VIPR2: variants seen among roughly 807,000 people sequenced by gnomAD.
VIPR2 encodes the protein vasoactive intestinal peptide receptor 2.
VIPR2 carries 48 observed loss-of-function variants against 58.0 expected under a neutral mutation model. The ratio of observed to expected loss-of-function variants is 0.83; its 90% CI spans 0.66 to 1.05. VIPR2 has a LOEUF of 1.05. Among genes scored for constraint, VIPR2 ranks in the 50% least tolerant of loss-of-function variants. The pLI, the probability that VIPR2 is intolerant of heterozygous loss-of-function variation, is 0.00. For synonymous variants in VIPR2, 243 were observed against 235.2 expected (o/e 1.03, Z -0.30); for missense variants, 534 against 558.0 (o/e 0.96, Z 0.43).
intron 2 of VIPR2, among the ~76,000 whole-genome samples, chr7:159,134,759 G>A (rs965238543): frequency 1.3e-5 from 2 of 151,650 alleles, no homozygotes; most frequent in Non-Finnish European, 2.9e-5. Context: ...CTGGGTTCAC[G>A]CCATTCTCCC....
At chr7:159,117,942 A>T (rs575856975) in intron 2 of VIPR2, among the ~76,000 whole-genome samples, 1 of 152,322 alleles carries the variant, frequency 6.6e-6, no homozygotes, top group South Asian at 2.1e-4. Flanking sequence ...TTAGAAGCAA[A>T]TATTTCCAAT....
intron 1 of VIPR2, chr7:159,144,280 C>G (rs1340901761): frequency 7.4e-7 from 1 of 1,360,182 alleles, no homozygotes; most frequent in Non-Finnish European, 9.5e-7. Flanking sequence ...GCCACGTCCC[C>G]CCGACACTAA....
chr7:159,113,252 T>G (rs913082651), intron 2 of VIPR2, among the ~76,000 whole-genome samples: 4 of 152,328 alleles, frequency 2.6e-5, no homozygotes, highest in African/African-American at 7.2e-5. Flanking sequence ...ATCTATAGAT[T>G]GCAGACATTG....
At chr7:159,036,567 G>A (rs1156344575) in intron 7 of VIPR2, among the ~76,000 whole-genome samples, 185 bp downstream of exon 7, 1 of 152,170 alleles carries the variant, frequency 6.6e-6, no homozygotes, top group Non-Finnish European at 1.5e-5. Context: ...CTAGGTTCCT[G>A]GTTACCAGAA....
At chr7:159,034,154 G>A in intron 10 of VIPR2, 59 bp downstream of exon 10, 2 of 1,556,670 alleles carry the variant, frequency 1.3e-6, no homozygotes, top group Non-Finnish European at 8.8e-7. Context: ...CAGCGTGGGG[G>A]TCTCCTGTCT....
chr7:159,041,782 C>T (rs1257967794), intron 6 of VIPR2, among the ~76,000 whole-genome samples: 1 of 151,952 alleles, frequency 6.6e-6, no homozygotes, highest in Non-Finnish European at 1.5e-5. Context: ...AAGTGTCTGT[C>T]AAGGGTGACT....
At position 159,058,578 on chromosome 7, in the gene VIPR2, T is replaced by C; in HGVS notation, c.358A>G (p.Ile120Val). The change falls in exon 5 of 13, where the codon ATC (isoleucine) becomes GTC (valine). Residue 120 changes from isoleucine to valine, a missense_variant and splice_region_variant. Ile to Val is a conservative substitution (Grantham distance 29, BLOSUM62 3). Coordinates refer to ENST00000262178, the MANE Select transcript of VIPR2 (RefSeq NM_003382.5). ...GCCTTCACCAGAATATAAAACGTGATCTACAAAGAAAGAAAACAGATCTGT... is the reference window on the plus strand; with the variant it reads ...GCCTTCACCAGAATATAAAACGTGACCTACAAAGAAAGAAAACAGATCTGT... ...GYSDPEDESK[I>V]TFYILVKAIY... 1 of 1,603,882 alleles carries C rather than the reference T, an allele frequency of 6.2e-7. No homozygotes were observed. The highest frequency in any genetic ancestry group is 8.5e-7 in the Non-Finnish European group (1 of 1,171,004).
In VIPR2 at chr7:159,030,523, G is replaced by T; in HGVS notation, c.*93C>A. On this transcript the variant is annotated 3_prime_UTR_variant, in exon 13 of 13. Coordinates refer to ENST00000262178, the MANE Select transcript of VIPR2 (RefSeq NM_003382.5). ...ACCGCGCTGACCTGCCCGACACGGT[G>T]CTCGGGCATCTGGAAGGAGGAAGCC... The T allele has an allele frequency of 7.0e-7, 1 of 1,427,148 alleles. No individual in the cohort carries two copies. The highest frequency in any genetic ancestry group is 1.5e-5 in the South Asian group (1 of 68,612). 88.4% of individuals were successfully genotyped at this position (1,427,148 alleles called of 1,614,324 possible). A position where few individuals can be genotyped will look rare whatever the true frequency, so the allele number is the denominator to read the frequency against.
chr7:159,108,135 G>T (rs763486047), intron 3 of VIPR2, among the ~76,000 whole-genome samples: 1 of 152,170 alleles, frequency 6.6e-6, no homozygotes, highest in East Asian at 1.9e-4. Context: ...CCATGCAGAC[G>T]CAAGCCTGAC....
rs1416758329 is a variant in VIPR2 at position 159,135,004 on chromosome 7, G to GTTTTTTGTTTTTT, written c.151+7441_151+7442insAAAAAACAAAAAA. Among the ~76,000 whole-genome samples the GTTTTTTGTTTTTT allele has an allele frequency of 7.6e-4, 50 of 65,946 alleles. 1 individual carries two copies. The highest frequency in any genetic ancestry group is 3.2e-3 in the African/African-American group (49 of 15,364). 43.3% of individuals were successfully genotyped at this position (65,946 alleles called of 152,430 possible). A position where few individuals can be genotyped will look rare whatever the true frequency, so the allele number is the denominator to read the frequency against. On this transcript the variant is annotated intron_variant, in intron 2 of 12. Coordinates refer to ENST00000262178, the MANE Select transcript of VIPR2 (RefSeq NM_003382.5). ...TATTGGTCTTCTCTTAATTACAAAA[G>GTTTTTTGTTTTTT]TTTTTTTTTTTTTTTTTTTTTTTTT...
intron 4 of VIPR2, among the ~76,000 whole-genome samples, chr7:159,061,008 T>C (rs944056249): frequency 6.6e-6 from 1 of 152,160 alleles, no homozygotes; most frequent in Non-Finnish European, 1.5e-5. Flanking sequence ...GTGGACTAGA[T>C]GAAGAACATG....
At chr7:159,037,766 G>A (rs1019322959) in intron 6 of VIPR2, among the ~76,000 whole-genome samples, 1 of 152,116 alleles carries the variant, frequency 6.6e-6, no homozygotes, top group African/African-American at 2.4e-5. Context: ...TCAGCTTCAT[G>A]AGCAACCATG....
intron 5 of VIPR2, among the ~76,000 whole-genome samples, chr7:159,049,170 T>A (rs1854831658): frequency 1.3e-5 from 2 of 152,320 alleles, no homozygotes; most frequent in Admixed American, 1.3e-4. Flanking sequence ...TAACTTTATG[T>A]GACATCTTGC....
rs1857985528 is a variant in VIPR2, at chr7:159,098,244, G to T, written c.357+5513C>A. Reference sequence around the variant, plus strand: ...GTCGGGCCCCAGCACACGGCTCGGGGAGCCTCCCACACTTGGTGATCCCGA... The same window carrying T: ...GTCGGGCCCCAGCACACGGCTCGGGTAGCCTCCCACACTTGGTGATCCCGA... On this transcript the variant is annotated intron_variant, in intron 4 of 12. Transcript: ENST00000262178. The surrounding 1 kb of genome is among the most constrained non-coding windows in gnomAD (Gnocchi z 5.2). Among the ~76,000 whole-genome samples the T allele has an allele frequency of 6.6e-6, 1 of 152,198 alleles. No homozygotes were observed.
intron 10 of VIPR2, 74 bp downstream of exon 10, chr7:159,034,139 C>A: frequency 6.6e-7 from 1 of 1,506,510 alleles, no homozygotes; most frequent in South Asian, 1.2e-5. Flanking sequence ...CCAGGGCCTT[C>A]CTGGCAGCGT....
At chr7:159,033,613 A>G (rs1317655836) in intron 10 of VIPR2, among the ~76,000 whole-genome samples, 1 of 152,178 alleles carries the variant, frequency 6.6e-6, no homozygotes, top group Non-Finnish European at 1.5e-5. Flanking sequence ...GTCTTCATCT[A>G]CTGAAGGGAG....
chr7:159,052,048 A>C (rs1014822135), intron 5 of VIPR2, among the ~76,000 whole-genome samples: 4 of 152,232 alleles, frequency 2.6e-5, no homozygotes, highest in Non-Finnish European at 5.9e-5. Context: ...GAACTGCATA[A>C]TTTACATTAT....
In VIPR2 at chr7:159,097,302, A is replaced by G; in HGVS notation, c.357+6455T>C. Reference sequence around the variant, plus strand: ...GGCGTAACACGGAAGAAATGTGTGCACTTGAAGCATGGGGAGGCCGAAATG... The same window carrying G: ...GGCGTAACACGGAAGAAATGTGTGCGCTTGAAGCATGGGGAGGCCGAAATG... On this transcript the variant is annotated intron_variant, in intron 4 of 12. Transcript: ENST00000262178. This position sits in a 1 kb window ranked among gnomAD's most constrained non-coding sequence, Gnocchi z 5.3. 3 of 1,319,108 alleles carry G rather than the reference A, an allele frequency of 2.3e-6. No homozygotes were observed. The highest frequency in any genetic ancestry group is 2.9e-6 in the Non-Finnish European group (3 of 1,030,956). The allele number at this position is 1,319,108 out of a possible 1,614,324, so 81.7% of individuals were successfully genotyped here.
chr7:159,135,171 C>T (rs1048473404), intron 2 of VIPR2, among the ~76,000 whole-genome samples: 4 of 151,998 alleles, frequency 2.6e-5, no homozygotes, highest in East Asian at 1.9e-4. Flanking sequence ...TACAGGGGCT[C>T]GCGCCTGTAA....
Sources: gnomAD v4.1 joint callset for allele counts (sites outside exome capture counted in the v4.1 genomes callset) on GRCh38, gnomAD v4.1.1 for gene constraint, Gnocchi (gnomAD v3.1) non-coding constraint, MANE v1.5 for transcripts, NCBI Gene and HGNC (gene_info 2026-07-23, HGNC 2026-07-21) for gene names.